The following LRRC39 variants were observed in gnomAD, a reference collection of about 807,000 sequenced individuals.
LRRC39 encodes the protein leucine-rich repeat-containing protein 39.
A neutral mutation model predicts 39.7 loss-of-function variants in LRRC39; 35 were observed. The observed-to-expected ratio is 0.88, with a 90% CI of 0.67 to 1.17. LRRC39 has a LOEUF of 1.17. LRRC39 is among the 50% of genes most tolerant of loss of function. The pLI is 0.00. For missense variants in LRRC39, 357 were observed against 385.8 expected, an observed-to-expected ratio of 0.93 and a Z score of 0.62; for synonymous variants, 113 against 134.1, an observed-to-expected ratio of 0.84 and a Z score of 1.09.
chr1:100,148,893 AT>A lies in LRRC39; in HGVS notation c.*148del, dbSNP rs1174264938. The A allele has an allele frequency of 4.1e-5, 46 of 1,126,186 alleles. No homozygotes were observed. In the Middle Eastern group the frequency reaches 1.9e-3, roughly 47 times the overall value. The allele number at this position is 1,126,186 out of a possible 1,614,324, so 69.8% of individuals were successfully genotyped here. Reference sequence around the variant, plus strand: ...TTAATTATATTTTTATATCAAAAAAATATATACTTTAAATAGCAAATAATAT... The same window carrying A: ...TTAATTATATTTTTATATCAAAAAAAATATACTTTAAATAGCAAATAATAT... On this transcript the variant is annotated 3_prime_UTR_variant, in exon 10 of 10. Coordinates refer to ENST00000370137, the MANE Select transcript of LRRC39 (RefSeq NM_144620.4).
chr1:100,172,333 A>G (rs1035797250), intron 2 of LRRC39, among the ~76,000 whole-genome samples: 1 of 152,246 alleles, frequency 6.6e-6, no homozygotes, highest in Non-Finnish European at 1.5e-5. Context: ...ACTAACAAAT[A>G]TATTAACAGA....
chr1:100,159,431 T>G lies in LRRC39; in HGVS notation c.220-16A>C. 1.3e-6 allele frequency: 2 copies of G among 1,570,782 alleles called. No individual in the cohort carries two copies. The highest frequency in any genetic ancestry group is 1.4e-5 in the African/African-American group (1 of 72,696). ...AAGGGAGGGTCTACAGTAAAAGAAA[T>G]GATGGTTGTTGTATATTACTTAAAT... On this transcript the variant is annotated splice_polypyrimidine_tract_variant and intron_variant, in intron 4 of 9. Transcript: ENST00000370137.
chr1:100,152,651 C>T lies in LRRC39; in HGVS notation c.813-127G>A, dbSNP rs991490167. 9.9e-5 allele frequency: 94 copies of T among 952,922 alleles called. 4 individuals carry two copies. Among genetic ancestry groups the T allele is most frequent in the Admixed American group, 6.9e-4 (25 of 36,260 alleles). 59.0% of individuals were successfully genotyped at this position (952,922 alleles called of 1,614,324 possible). On this transcript the variant is annotated intron_variant, in intron 8 of 9. Transcript: ENST00000370137. Reference sequence around the variant, plus strand: ...TTAACTGGTTTCAATAACTGAACGACTTGGTGAGATGTGATATATCTCAAG... The same window carrying T: ...TTAACTGGTTTCAATAACTGAACGATTTGGTGAGATGTGATATATCTCAAG...
Position 100,152,410 on chromosome 1 carries a change from GT to G in LRRC39, c.926del (p.Tyr309SerfsTer23). ...CTGCTCTTCTCCGTGACTCTTGTATGTATGTGTGCATAAACTGAAGGCCAAA... is the reference window on the plus strand; with the variant it reads ...CTGCTCTTCTCCGTGACTCTTGTATGATGTGTGCATAAACTGAAGGCCAAA... ...ELFGLQFMHT[Y>X]IQESRRRADH... On this transcript the variant is annotated frameshift_variant, in exon 9 of 10. Coordinates refer to ENST00000370137, the MANE Select transcript of LRRC39 (RefSeq NM_144620.4). LOFTEE classifies it high-confidence loss of function. 3 of 1,614,026 alleles carry G rather than the reference GT, an allele frequency of 1.9e-6. No homozygotes were observed. The highest frequency in any genetic ancestry group is 2.5e-6 in the Non-Finnish European group (3 of 1,179,966).
intron 8 of LRRC39, among the ~76,000 whole-genome samples, chr1:100,153,684 T>G (rs1314748559): frequency 2.0e-5 from 3 of 152,088 alleles, no homozygotes; most frequent in African/African-American, 7.2e-5. Context: ...TAAAATAATT[T>G]TTAAAAAGAA....
chr1:100,154,367 A>G (rs1275252692), intron 8 of LRRC39, among the ~76,000 whole-genome samples: 1 of 152,220 alleles, frequency 6.6e-6, no homozygotes, highest in East Asian at 1.9e-4. Flanking sequence ...ATAAAACAAG[A>G]TAGAAAAATA....
chr1:100,159,425 A>T lies in LRRC39; in HGVS notation c.220-10T>A, dbSNP rs760881590. On this transcript the variant is annotated splice_polypyrimidine_tract_variant and intron_variant, in intron 4 of 9. Transcript: ENST00000370137. ...GAGAAGAAGGGAGGGTCTACAGTAAAAGAAATGATGGTTGTTGTATATTAC... is the reference window on the plus strand; with the variant it reads ...GAGAAGAAGGGAGGGTCTACAGTAATAGAAATGATGGTTGTTGTATATTAC... The T allele has an allele frequency of 1.3e-6, 2 of 1,578,790 alleles. No homozygotes were observed. Among genetic ancestry groups the T allele is most frequent in the African/African-American group, 2.7e-5 (2 of 73,062 alleles).
intron 5 of LRRC39, among the ~76,000 whole-genome samples, chr1:100,158,715 C>A (rs1160624828): frequency 1.3e-5 from 2 of 152,138 alleles, no homozygotes; most frequent in Non-Finnish European, 2.9e-5. Context: ...GGATTACAGG[C>A]GTGAGCCACC....
At chr1:100,178,044 A>T (rs1660074500) in intron 1 of LRRC39, 91 bp downstream of exon 1, 1 of 152,246 alleles carries the variant, frequency 6.6e-6, no homozygotes, top group Admixed American at 6.5e-5. Context: ...ACCAATACAG[A>T]CACAGTATAG....
intron 2 of LRRC39, 143 bp from the exon 3 acceptor site, chr1:100,168,737 T>G: frequency 2.4e-6 from 1 of 418,832 alleles, no homozygotes; most frequent in South Asian, 4.7e-5. Context: ...ATTTAAAAAC[T>G]CTCATAAAAT....
At chr1:100,160,160 A>C (rs894172931) in intron 4 of LRRC39, among the ~76,000 whole-genome samples, 2 of 152,216 alleles carry the variant, frequency 1.3e-5, no homozygotes, top group Admixed American at 1.3e-4. Flanking sequence ...TGGAAAAGCA[A>C]TATTATTTTT....
At chr1:100,176,288 C>T (rs1187187381) in intron 1 of LRRC39, among the ~76,000 whole-genome samples, 4 of 152,080 alleles carry the variant, frequency 2.6e-5, no homozygotes, top group African/African-American at 4.8e-5. Context: ...ATTAGCCAGG[C>T]GTGGTGGCAC....
intron 9 of LRRC39, 122 bp from the exon 10 acceptor site, chr1:100,149,219 T>C (rs1000523331): frequency 1.7e-5 from 26 of 1,494,456 alleles, no homozygotes; most frequent in Non-Finnish European, 2.3e-5. Context: ...GAGGTAGTGA[T>C]TGATTGTAAC....
Position 100,148,520 on chromosome 1 carries a change from C to T in LRRC39, c.*522G>A, listed in dbSNP as rs1570753852. 7.9e-6 allele frequency: 9 copies of T among 1,140,992 alleles called. No homozygotes were observed. Among genetic ancestry groups the T allele is most frequent in the African/African-American group, 6.4e-5 (4 of 62,932 alleles). 70.7% of individuals were successfully genotyped at this position (1,140,992 alleles called of 1,614,324 possible). On this transcript the variant is annotated 3_prime_UTR_variant, in exon 10 of 10. Transcript: ENST00000370137. ...GAAGCATGGGACAAAGTACTTAGTA[C>T]ATTATGGGTTAGTTAACAGTCTCTC...
rs1285628360 is a variant in LRRC39 at position 100,149,406 on chromosome 1, T to C, written c.953-309A>G. 1.9e-6 allele frequency: 3 copies of C among 1,545,564 alleles called. No homozygotes were observed. The African/African-American group carries it at 4.1e-5, about 21-fold the overall frequency. ...GCCATACATGTATATATTGTCAGAA[T>C]CTGTCCATGACAAACACAAAACTGA... On this transcript the variant is annotated intron_variant, in intron 9 of 9. Transcript: ENST00000370137.
chr1:100,158,041 A>G (rs1658582860), intron 6 of LRRC39, among the ~76,000 whole-genome samples, 190 bp downstream of exon 6: 1 of 152,236 alleles, frequency 6.6e-6, no homozygotes, highest in Non-Finnish European at 1.5e-5. Flanking sequence ...ATAATAATAG[A>G]AGTATCTTTT....
chr1:100,159,233 A>G, intron 5 of LRRC39, 26 bp downstream of exon 5: 1 of 1,557,434 alleles, frequency 6.4e-7, no homozygotes, highest in Non-Finnish European at 8.7e-7. Flanking sequence ...ATAAAATAGC[A>G]CAGGAATAAA....
At chr1:100,176,439 A>C (rs1052851208) in intron 1 of LRRC39, among the ~76,000 whole-genome samples, 1 of 152,072 alleles carries the variant, frequency 6.6e-6, no homozygotes, top group Non-Finnish European at 1.5e-5. Flanking sequence ...AAAAACAAAC[A>C]AAAAAAAGGA....
At chr1:100,153,067 G>T (rs1658173175) in intron 8 of LRRC39, among the ~76,000 whole-genome samples, 1 of 152,076 alleles carries the variant, frequency 6.6e-6, no homozygotes, top group African/African-American at 2.4e-5. Flanking sequence ...ACTTCTAAGA[G>T]CAATTTTAAC....
Sources: allele counts gnomAD v4.1 joint callset (sites outside exome capture counted in the v4.1 genomes callset), GRCh38; gene constraint gnomAD v4.1.1; transcripts MANE v1.5; gene names NCBI Gene and HGNC (gene_info 2026-07-23, HGNC 2026-07-21).